Variants in ABHD17B observed in about 807,000 individuals in gnomAD.
ABHD17B encodes the protein abhydrolase domain containing 17B, depalmitoylase, also known as alpha/beta hydrolase domain-containing protein 17B.
Under a neutral mutation model 26.2 loss-of-function variants are expected in ABHD17B, and 9 were observed. The ratio of observed to expected loss-of-function variants is 0.34; its 90% CI spans 0.21 to 0.60. The LOEUF (loss-of-function observed/expected upper bound fraction) is 0.60. ABHD17B is among the 20% of genes least tolerant of loss of function. The pLI, the probability that ABHD17B is intolerant of heterozygous loss-of-function variation, is 0.80. For missense variants in ABHD17B, 224 were observed against 352.1 expected, an observed-to-expected ratio of 0.64 and a Z score of 2.91; for synonymous variants, 127 against 122.3, an observed-to-expected ratio of 1.04 and a Z score of -0.25.
intron 2 of ABHD17B, among the ~76,000 whole-genome samples, chr9:71,874,248 G>A (rs1477544229): frequency 2.0e-5 from 3 of 151,080 alleles, no homozygotes; most frequent in East Asian, 3.9e-4. Flanking sequence ...GCAGTGGCAC[G>A]ATCATAGCTC....
chr9:71,884,635 A>G (rs1031724314), intron 1 of ABHD17B, among the ~76,000 whole-genome samples: 49 of 139,372 alleles, frequency 3.5e-4, no homozygotes, highest in African/African-American at 1.0e-3. Flanking sequence ...GGTTGAAGGG[A>G]AAAAAAAAAA....
intron 1 of ABHD17B, among the ~76,000 whole-genome samples, chr9:71,893,187 A>G (rs1222470505): frequency 6.6e-6 from 1 of 152,188 alleles, no homozygotes; most frequent in Non-Finnish European, 1.5e-5. Context: ...GACCAGATGT[A>G]TGAGAGATTT....
chr9:71,864,972 T>C (rs1825913897), downstream of ABHD17B, among the ~76,000 whole-genome samples: 1 of 152,182 alleles, frequency 6.6e-6, no homozygotes. Context: ...GGTTGTATGC[T>C]GTACAAAGAA....
Position 71,911,165 on chromosome 9 carries a change from C to T in ABHD17B, c.-535G>A, listed in dbSNP as rs937696596. On this transcript the variant is annotated 5_prime_UTR_variant, in exon 1 of 4. Coordinates refer to ENST00000333421, the MANE Select transcript of ABHD17B (RefSeq NM_001025780.3). Reference sequence around the variant, plus strand: ...GGGAACGGAGGGGACGAGCACAATCCCCACTGAGCCAGGAGTTGGCCACTG... The same window carrying T: ...GGGAACGGAGGGGACGAGCACAATCTCCACTGAGCCAGGAGTTGGCCACTG... Among the ~76,000 whole-genome samples the T allele has an allele frequency of 6.6e-6, 1 of 152,108 alleles. No homozygotes were observed. The highest frequency in any genetic ancestry group is 2.4e-5 in the African/African-American group (1 of 41,436).
rs1404018670 is a variant in ABHD17B at position 71,875,092 on chromosome 9, G to T, written c.-3-9C>A. Reference sequence around the variant, plus strand: ...GAAAGATTATTCATGCTCTGAAAAAGAAAAGGAGATAGCAAATATTTTAAT... The same window carrying T: ...GAAAGATTATTCATGCTCTGAAAAATAAAAGGAGATAGCAAATATTTTAAT... On this transcript the variant is annotated splice_polypyrimidine_tract_variant and intron_variant, in intron 1 of 3. Transcript: ENST00000333421. 1.3e-6 allele frequency: 2 copies of T among 1,586,682 alleles called. No homozygotes were observed. Among genetic ancestry groups the T allele is most frequent in the African/African-American group, 1.3e-5 (1 of 74,234 alleles).
intron 1 of ABHD17B, among the ~76,000 whole-genome samples, chr9:71,876,022 A>T (rs1402480183): frequency 6.6e-6 from 1 of 152,210 alleles, no homozygotes; most frequent in Non-Finnish European, 1.5e-5. Context: ...GAAGACTATC[A>T]CTTTGGTCAC....
In ABHD17B at chr9:71,911,025, C is replaced by CT. The variant is rs1827455468; in HGVS notation, c.-396dup. 1 of 154,102 alleles carries CT rather than the reference C, an allele frequency of 6.5e-6. No homozygotes were observed. Among genetic ancestry groups the CT allele is most frequent in the Non-Finnish European group, 1.5e-5 (1 of 68,926 alleles). The allele number at this position is 154,102 out of a possible 1,614,324, so 9.5% of individuals were successfully genotyped here. ...GCCGCCACCGCCTCCCTTTCTGGCA[C>CT]TGCAGACGCCACCCAGACCTAGCCA... On this transcript the variant is annotated 5_prime_UTR_variant, in exon 1 of 4. Transcript: ENST00000333421.
intron 1 of ABHD17B, among the ~76,000 whole-genome samples, chr9:71,888,589 T>G (rs1826679965): frequency 6.6e-6 from 1 of 152,208 alleles, no homozygotes; most frequent in African/African-American, 2.4e-5. Flanking sequence ...AATTTAAGGA[T>G]TATTGATTAT....
intron 1 of ABHD17B, among the ~76,000 whole-genome samples, chr9:71,897,980 G>C (rs554298110): frequency 6.2e-4 from 94 of 152,178 alleles, no homozygotes; most frequent in African/African-American, 2.1e-3. Context: ...TGGAAATTTT[G>C]TCTTTTCATA....
At chr9:71,869,704 G>A (rs529819198) in intron 3 of ABHD17B, among the ~76,000 whole-genome samples, 3 of 152,010 alleles carry the variant, frequency 2.0e-5, no homozygotes, top group Non-Finnish European at 4.4e-5. Flanking sequence ...TCACTGGATG[G>A]CCCTATCCAT....
At chr9:71,894,362 T>A (rs995741648) in intron 1 of ABHD17B, among the ~76,000 whole-genome samples, 5 of 152,108 alleles carry the variant, frequency 3.3e-5, no homozygotes, top group African/African-American at 1.2e-4. Flanking sequence ...TTAGATTTTT[T>A]AAAGATGGTG....
intron 1 of ABHD17B, among the ~76,000 whole-genome samples, chr9:71,895,570 A>G (rs1408323077): frequency 1.3e-5 from 2 of 152,218 alleles, no homozygotes; most frequent in Non-Finnish European, 2.9e-5. Context: ...GAAGTACTAC[A>G]TTACCTTACT....
chr9:71,904,485 A>C (rs929977117), intron 1 of ABHD17B, among the ~76,000 whole-genome samples: 1 of 152,202 alleles, frequency 6.6e-6, no homozygotes, highest in Non-Finnish European at 1.5e-5. Context: ...CTGAAATTCT[A>C]TTCTGTTAAA....
intron 1 of ABHD17B, among the ~76,000 whole-genome samples, chr9:71,881,398 T>C (rs569250200): frequency 6.6e-5 from 10 of 152,162 alleles, no homozygotes; most frequent in Non-Finnish European, 1.2e-4. Context: ...AAAGAAAATA[T>C]AGGCATAAAT....
intron 1 of ABHD17B, among the ~76,000 whole-genome samples, chr9:71,905,005 C>T (rs1033141250): frequency 6.6e-6 from 1 of 152,206 alleles, no homozygotes; most frequent in Non-Finnish European, 1.5e-5. Context: ...TTTATAACCC[C>T]AGTATAGAGA....
In ABHD17B at chr9:71,910,659, G is replaced by C. The variant is rs969168386; in HGVS notation, c.-29C>G. 6.6e-6 allele frequency: 1 copy of C among 152,192 alleles called. No individual in the cohort carries two copies. The highest frequency in any genetic ancestry group is 2.4e-5 in the African/African-American group (1 of 41,444). The allele number at this position is 152,192 out of a possible 1,614,324, so 9.4% of individuals were successfully genotyped here. A position where few individuals can be genotyped will look rare whatever the true frequency, so the allele number is the denominator to read the frequency against. On this transcript the variant is annotated 5_prime_UTR_variant, in exon 1 of 4. Coordinates refer to ENST00000333421, the MANE Select transcript of ABHD17B (RefSeq NM_001025780.3). The stretch of plus-strand genomic sequence containing the variant: ...CTGCACCTGAGCGGCCCGGGCCGAA[G>C]CGCCGGGCAGAAGGGGTCGAGAGAG...
chr9:71,903,723 T>TG (rs777921403), intron 1 of ABHD17B, among the ~76,000 whole-genome samples: 2 of 152,380 alleles, frequency 1.3e-5, no homozygotes, highest in South Asian at 2.1e-4. Flanking sequence ...TTTACTGCAC[T>TG]GACTGGTTCT....
At chr9:71,909,848 T>C (rs993975810) in intron 1 of ABHD17B, among the ~76,000 whole-genome samples, 1 of 151,998 alleles carries the variant, frequency 6.6e-6, no homozygotes, top group African/African-American at 2.4e-5. Flanking sequence ...GGCAGAGATC[T>C]CACCAAAGAT....
At chr9:71,871,990 T>A (rs542130674) in intron 2 of ABHD17B, among the ~76,000 whole-genome samples, 43 of 152,338 alleles carry the variant, frequency 2.8e-4, no homozygotes, top group Middle Eastern at 3.4e-3. Flanking sequence ...AAAATGAACA[T>A]TATTTAAGTT....
Sources: allele counts gnomAD v4.1 joint callset (sites outside exome capture counted in the v4.1 genomes callset), GRCh38; gene constraint gnomAD v4.1.1; transcripts MANE v1.5; gene names NCBI Gene and HGNC (gene_info 2026-07-23, HGNC 2026-07-21).